ACTR2: variants seen among roughly 807,000 people sequenced by gnomAD.
ACTR2 encodes actin-related protein 2.
In ACTR2, 5 loss-of-function variants were observed where a neutral mutation model predicts 50.2. The observed-to-expected ratio is 0.10, with a 90% CI of 0.05 to 0.21. The LOEUF is 0.21. ACTR2 is among the 10% of genes least tolerant of loss of function. The pLI is 1.00. For missense variants in ACTR2, 180 were observed against 480.6 expected (o/e 0.37, Z 5.85); for synonymous variants, 140 against 162.9 (o/e 0.86, Z 1.07).
At chr2:65,265,256 G>C in intron 8 of ACTR2, 81 bp downstream of exon 8, 1 of 1,527,268 alleles carries the variant, frequency 6.5e-7, no homozygotes, top group African/African-American at 1.4e-5. Context: ...AACCACCAGA[G>C]GGAGCAAGAC....
chr2:65,243,381 G>A (rs1282002228), intron 2 of ACTR2, among the ~76,000 whole-genome samples: 1 of 152,178 alleles, frequency 6.6e-6, no homozygotes, highest in Non-Finnish European at 1.5e-5. Context: ...TATAATTCCA[G>A]CACTTTGGCA....
intron 6 of ACTR2, among the ~76,000 whole-genome samples, chr2:65,259,072 A>G (rs1672211064): frequency 6.6e-6 from 1 of 151,642 alleles, no homozygotes; most frequent in African/African-American, 2.4e-5. Flanking sequence ...TCCCAGGGTT[A>G]GGTGATCCTC....
At position 65,265,175 on chromosome 2, in the gene ACTR2, T is replaced by C. The variant is rs1293732578; in HGVS notation, c.1014T>C (p.Ser338=). 1 of 1,614,214 alleles carries C rather than the reference T, an allele frequency of 6.2e-7. No homozygotes were observed. Among genetic ancestry groups the C allele is most frequent in the Admixed American group, 1.7e-5 (1 of 60,030 alleles). The stretch of plus-strand genomic sequence containing the variant: ...TGAAGGGTGATGTGGAAAAACTTTC[T>C]GTAAGTATTAGTAAATCAACTATTA... ...RVLKGDVEKL[S]KFKIRIEDPP... is the part of the protein sequence containing the mutation. The change falls in exon 8 of 9, where the codon TCT becomes TCC. Residue 338 remains serine (S), a splice_region_variant and synonymous_variant. Coordinates refer to ENST00000260641, the MANE Select transcript of ACTR2 (RefSeq NM_005722.4).
At chr2:65,228,135 GAGCCTGCCACCCATTT>G (rs1294716642) in intron 1 of ACTR2, 178 bp downstream of exon 1, 56 of 504,026 alleles carry the variant, frequency 1.1e-4, no homozygotes, top group African/African-American at 8.9e-4. Flanking sequence ...GGTCTCCCTT[GAGCCTGCCACCCATTT>G]AGCCTGCCAC....
intron 2 of ACTR2, among the ~76,000 whole-genome samples, chr2:65,240,333 G>A (rs1266974284): frequency 6.6e-6 from 1 of 152,170 alleles, no homozygotes; most frequent in African/African-American, 2.4e-5. Context: ...GTATGTGAGT[G>A]TCTCTTTGGC....
chr2:65,233,104 C>T (rs1202490721), intron 1 of ACTR2, among the ~76,000 whole-genome samples: 2 of 151,440 alleles, frequency 1.3e-5, no homozygotes, highest in African/African-American at 2.4e-5. Flanking sequence ...AAGCAATTCT[C>T]CTGCCTCAGC....
rs17851187 is a variant in ACTR2 at position 65,268,692 on chromosome 2, G to A, written c.1143G>A (p.Lys381=). ...FWMTRQEYQE[K]GVRVLEKLGV... is the part of the protein sequence containing the mutation. ...TGACCCGACAAGAGTACCAAGAAAA[G>A]GGTGTCCGTGTGCTAGAGAAACTTG... is the stretch of plus-strand genomic sequence containing the variant. The change falls in exon 9 of 9, where the codon AAG becomes AAA. Residue 381 remains lysine (K), a synonymous_variant. Transcript: ENST00000260641. 1 of 1,613,956 alleles carries A rather than the reference G, an allele frequency of 6.2e-7. No individual in the cohort carries two copies.
chr2:65,264,948 C>T (rs1672344107), intron 7 of ACTR2, 95 bp from the exon 8 acceptor site: 2 of 1,418,466 alleles, frequency 1.4e-6, no homozygotes, highest in Non-Finnish European at 2.0e-6. Flanking sequence ...ATTTAATTCT[C>T]CCAGCAACCC....
rs535040303 is a variant in ACTR2 at position 65,270,952 on chromosome 2, A to G, written c.*2218A>G. 2 of 152,224 alleles carry G rather than the reference A, an allele frequency of 1.3e-5. No homozygotes were observed. Among genetic ancestry groups the G allele is most frequent in the East Asian group, 3.9e-4 (2 of 5,180 alleles). 9.4% of individuals were successfully genotyped at this position (152,224 alleles called of 1,614,324 possible). ...AGCAATCTGATTCTTAGCTCTTGAAACTATTGCTACTTAAATTTCCAATAA... is the reference window on the plus strand; with the variant it reads ...AGCAATCTGATTCTTAGCTCTTGAAGCTATTGCTACTTAAATTTCCAATAA... On this transcript the variant is annotated 3_prime_UTR_variant, in exon 9 of 9. Coordinates refer to ENST00000260641, the MANE Select transcript of ACTR2 (RefSeq NM_005722.4).
chr2:65,267,917 A>G (rs1672410062), intron 8 of ACTR2, among the ~76,000 whole-genome samples: 3 of 107,762 alleles, frequency 2.8e-5, no homozygotes, highest in South Asian at 3.1e-4. Context: ...GCTCACTGCA[A>G]GCTCCACCTC....
At chr2:65,240,041 G>A in intron 2 of ACTR2, 79 bp downstream of exon 2, 1 of 987,986 alleles carries the variant, frequency 1.0e-6, no homozygotes, top group Non-Finnish European at 1.5e-6. Context: ...GTTCTTTTAA[G>A]TAGTTTTAAA....
intron 6 of ACTR2, among the ~76,000 whole-genome samples, chr2:65,260,809 A>G (rs1484875955): frequency 2.7e-5 from 4 of 147,938 alleles, no homozygotes; most frequent in Admixed American, 6.8e-5. Flanking sequence ...GGCTCACTGC[A>G]AGCTCTGCCT....
intron 2 of ACTR2, among the ~76,000 whole-genome samples, chr2:65,243,856 T>G (rs569890634): frequency 6.6e-6 from 1 of 152,286 alleles, no homozygotes; most frequent in South Asian, 2.1e-4. Flanking sequence ...ATAGGTGATG[T>G]TCAGTGGCGG....
Position 65,240,100 on chromosome 2 carries a change from T to C in ACTR2, c.159+138T>C. 3 of 591,220 alleles carry C rather than the reference T, an allele frequency of 5.1e-6. No individual in the cohort carries two copies. The South Asian group carries it at 6.3e-5, about 12-fold the overall frequency. The allele number at this position is 591,220 out of a possible 1,614,324, so 36.6% of individuals were successfully genotyped here. A position where few individuals can be genotyped will look rare whatever the true frequency, so the allele number is the denominator to read the frequency against. ...GGGAGGGTAGAAGTTCTCATATTTT[T>C]AATTTATATCAACACCTGAACAGGG... On this transcript the variant is annotated intron_variant, in intron 2 of 8. Transcript: ENST00000260641.
Position 65,227,882 on chromosome 2 carries a change from G to C in ACTR2, c.-28G>C, listed in dbSNP as rs568483185. ...GGCGGCGGTGGCTGTAGGTTGTGCG[G>C]CTGCAGCGGCTCTTCCCTGGGCGGA... On this transcript the variant is annotated 5_prime_UTR_variant, in exon 1 of 9. Transcript: ENST00000260641. 6.2e-5 allele frequency: 93 copies of C among 1,502,922 alleles called. No individual in the cohort carries two copies. In the East Asian group the frequency reaches 2.4e-3, roughly 38 times the overall value. 93.1% of individuals were successfully genotyped at this position (1,502,922 alleles called of 1,614,324 possible).
rs754991965 is a variant in ACTR2, at chr2:65,253,852, A to G, written c.573A>G (p.Arg191=). ...RLDIAGRDIT[R]YLIKLLLLRG... is the part of the protein sequence containing the mutation. ...ATATTGCTGGGAGGGATATAACTAG[A>G]TATCTTATCAAGGTAAGTGAAAGGA... is the stretch of plus-strand genomic sequence containing the variant. Residue 191 remains arginine (R), a synonymous_variant, in exon 5 of 9, where the codon AGA becomes AGG. Coordinates refer to ENST00000260641, the MANE Select transcript of ACTR2 (RefSeq NM_005722.4). 4 of 1,611,260 alleles carry G rather than the reference A, an allele frequency of 2.5e-6. No individual in the cohort carries two copies. The highest frequency in any genetic ancestry group is 2.7e-5 in the African/African-American group (2 of 74,832).
intron 1 of ACTR2, among the ~76,000 whole-genome samples, chr2:65,232,996 A>AT (rs1328175237): frequency 7.0e-6 from 1 of 143,742 alleles, no homozygotes; most frequent in Non-Finnish European, 1.6e-5. Context: ...ATCATGGTTT[A>AT]GTTTTTTTTT....
chr2:65,250,923 A>T, intron 3 of ACTR2, 104 bp from the exon 4 acceptor site: 1 of 643,152 alleles, frequency 1.6e-6, no homozygotes, highest in Non-Finnish European at 2.5e-6. Flanking sequence ...GGTCCATTTG[A>T]TTCTATTTTG....
intron 3 of ACTR2, among the ~76,000 whole-genome samples, chr2:65,248,830 A>G (rs984687803): frequency 6.6e-6 from 1 of 152,104 alleles, no homozygotes; most frequent in African/African-American, 2.4e-5. Flanking sequence ...CCTGGCCAAC[A>G]TGGCAAAACT....
Sources: gnomAD v4.1 joint callset for allele counts (sites outside exome capture counted in the v4.1 genomes callset) on GRCh38, gnomAD v4.1.1 for gene constraint, MANE v1.5 for transcripts, NCBI Gene and HGNC (gene_info 2026-07-23, HGNC 2026-07-21) for gene names.